KLRF1: variants seen among roughly 807,000 people sequenced by gnomAD.
KLRF1 encodes killer cell lectin-like receptor subfamily F member 1.
KLRF1 carries 27 observed loss-of-function variants against 30.7 expected under a neutral mutation model. That is an observed-to-expected ratio of 0.88 (90% CI 0.65 to 1.21). The LOEUF is 1.21. KLRF1 is among the 50% of genes most tolerant of loss of function. KLRF1 has a pLI of 0.00. For synonymous variants in KLRF1, 92 were observed against 89.3 expected, an observed-to-expected ratio of 1.03 and a Z score of -0.17; for missense variants, 246 against 259.3, an observed-to-expected ratio of 0.95 and a Z score of 0.35.
At chr12:9,808,477 C>T in the KLRF1 span, among the ~76,000 whole-genome samples, 15,820 of 151,972 alleles carry the variant, frequency 0.1, 1,055 homozygotes, top group East Asian at 0.37. Context: ...TCTATATATC[C>T]TAATATGTTA....
intron 3 of KLRF1, 40 bp from the exon 4 acceptor site, chr12:9,841,772 T>C (rs1867706892): frequency 2.0e-6 from 3 of 1,525,690 alleles, no homozygotes; most frequent in South Asian, 1.2e-5. Flanking sequence ...GAGATGCATA[T>C]GTAATTTAAT....
chr12:9,819,908 C>T, the KLRF1 span, among the ~76,000 whole-genome samples: 2 of 152,248 alleles, frequency 1.3e-5, no homozygotes, highest in Admixed American at 6.5e-5. Flanking sequence ...GTCTGTACCT[C>T]CCTAGGATGG....
chr12:9,838,574 C>T (rs771632700), intron 3 of KLRF1, among the ~76,000 whole-genome samples: 1 of 152,196 alleles, frequency 6.6e-6, no homozygotes, highest in East Asian at 1.9e-4. Context: ...ATCTTCCCTG[C>T]CAGTGTGAGT....
the KLRF1 span, among the ~76,000 whole-genome samples, chr12:9,813,089 T>A: frequency 6.6e-6 from 1 of 152,196 alleles, no homozygotes; most frequent in African/African-American, 2.4e-5. Context: ...TGTGGAAACC[T>A]GCTGCCAGTC....
At chr12:9,805,351 G>A in the KLRF1 span, among the ~76,000 whole-genome samples, 1 of 151,846 alleles carries the variant, frequency 6.6e-6, no homozygotes, top group African/African-American at 2.4e-5. Flanking sequence ...TGACAGAAGG[G>A]ACAAAAGGGC....
At chr12:9,815,747 C>T in the KLRF1 span, among the ~76,000 whole-genome samples, 1 of 152,218 alleles carries the variant, frequency 6.6e-6, no homozygotes, top group Admixed American at 6.5e-5. Flanking sequence ...ATAGTCCTTA[C>T]CACAATGTGT....
At chr12:9,818,952 G>A in the KLRF1 span, among the ~76,000 whole-genome samples, 7 of 152,296 alleles carry the variant, frequency 4.6e-5, no homozygotes, top group African/African-American at 9.6e-5. Flanking sequence ...AACTCAATCC[G>A]TGGAGGATGA....
intron 3 of KLRF1, 100 bp from the exon 4 acceptor site, chr12:9,841,712 C>T: frequency 1.2e-6 from 1 of 817,114 alleles, no homozygotes; most frequent in Non-Finnish European, 1.8e-6. Context: ...TATTGTAGCT[C>T]AACTCTTATT....
At chr12:9,800,290 G>A in the KLRF1 span, among the ~76,000 whole-genome samples, 4 of 152,200 alleles carry the variant, frequency 2.6e-5, no homozygotes, top group East Asian at 5.8e-4. Context: ...TCTAATTGGT[G>A]TGTAAATGTT....
At chr12:9,840,803 G>C (rs997690279) in intron 3 of KLRF1, among the ~76,000 whole-genome samples, 1 of 151,988 alleles carries the variant, frequency 6.6e-6, no homozygotes, top group Admixed American at 6.6e-5. Flanking sequence ...AAAGAATAAC[G>C]TGCTGGTGAG....
the KLRF1 span, among the ~76,000 whole-genome samples, chr12:9,816,821 C>T: frequency 3.3e-5 from 5 of 151,518 alleles, no homozygotes; most frequent in Non-Finnish European, 2.9e-5. Flanking sequence ...GCAATCTCCG[C>T]CTCTCAGGTT....
At chr12:9,807,097 G>A in the KLRF1 span, among the ~76,000 whole-genome samples, 1 of 151,774 alleles carries the variant, frequency 6.6e-6, no homozygotes, top group African/African-American at 2.4e-5. Context: ...TCCTTTTAAT[G>A]TTTACTGTAG....
the KLRF1 span, chr12:9,817,727 T>A: frequency 4.6e-6 from 1 of 215,794 alleles, no homozygotes; most frequent in African/African-American, 2.4e-5. Context: ...TTTTCCTCAG[T>A]CACCCCATGA....
chr12:9,835,447 A>G (rs1011642656), intron 3 of KLRF1, among the ~76,000 whole-genome samples: 7 of 152,104 alleles, frequency 4.6e-5, no homozygotes, highest in Non-Finnish European at 8.8e-5. Flanking sequence ...TTGAGTGTCT[A>G]TGAGCTACCT....
chr12:9,827,064 A>G (rs1463848688), upstream of KLRF1, among the ~76,000 whole-genome samples: 1 of 152,236 alleles, frequency 6.6e-6, no homozygotes, highest in Non-Finnish European at 1.5e-5. Context: ...TATTAGCATG[A>G]TTTATAAACA....
the KLRF1 span, among the ~76,000 whole-genome samples, chr12:9,820,768 C>T: frequency 2.6e-5 from 4 of 152,202 alleles, no homozygotes; most frequent in Non-Finnish European, 4.4e-5. Context: ...AACCCCTCCA[C>T]CACTGCAGTT....
At chr12:9,834,010 G>A (rs755459790) in intron 3 of KLRF1, among the ~76,000 whole-genome samples, 31 of 150,744 alleles carry the variant, frequency 2.1e-4, no homozygotes, top group African/African-American at 6.9e-4. Context: ...TAGGGGTGAG[G>A]CCGTTTTATA....
At chr12:9,824,079 C>G (rs1022630298), upstream of KLRF1, among the ~76,000 whole-genome samples, 10 of 152,128 alleles carry the variant, frequency 6.6e-5, no homozygotes, top group Non-Finnish European at 1.3e-4. Flanking sequence ...GGAAACTATT[C>G]CAAAAATTTG....
intron 1 of KLRF1, among the ~76,000 whole-genome samples, chr12:9,828,240 T>C (rs59929876): frequency 0.011 from 1,707 of 152,034 alleles, 34 homozygotes; most frequent in African/African-American, 0.039. Context: ...CCACCATGCC[T>C]GGCTAATTTT....
Sources: allele counts gnomAD v4.1 joint callset (sites outside exome capture counted in the v4.1 genomes callset), GRCh38; gene constraint gnomAD v4.1.1; transcripts MANE v1.5; gene names NCBI Gene and HGNC (gene_info 2026-07-23, HGNC 2026-07-21).